Variants in SDK1 observed in about 807,000 individuals in gnomAD.
SDK1 encodes the protein sidekick cell adhesion molecule 1.
In SDK1, 157 loss-of-function variants were observed where a neutral mutation model predicts 245.5. That is an observed-to-expected ratio of 0.64 (90% CI 0.56 to 0.73). The LOEUF (loss-of-function observed/expected upper bound fraction) is 0.73. Among genes scored for constraint, SDK1 ranks in the 30% least tolerant of loss-of-function variants. SDK1 has a pLI of 0.00. For missense variants in SDK1, 3,583 were observed against 3,002.3 expected (o/e 1.19, Z -4.52); for synonymous variants, 1,647 against 1,278.5 (o/e 1.29, Z -6.15).
chr7:4,214,240 T>C (rs1329432176), intron 38 of SDK1, among the ~76,000 whole-genome samples: 1 of 152,172 alleles, frequency 6.6e-6, no homozygotes, highest in Non-Finnish European at 1.5e-5. Flanking sequence ...TGAAAGTAAA[T>C]GTGAAGGTGA....
intron 2 of SDK1, among the ~76,000 whole-genome samples, chr7:3,628,299 C>A (rs1285320427): frequency 6.6e-6 from 1 of 152,110 alleles, no homozygotes; most frequent in Non-Finnish European, 1.5e-5. Context: ...AAGATAGAAT[C>A]TTGCTCTGTT....
intron 10 of SDK1, among the ~76,000 whole-genome samples, chr7:3,969,007 C>A (rs759052089): frequency 6.6e-6 from 1 of 152,194 alleles, no homozygotes; most frequent in Middle Eastern, 3.4e-3. Flanking sequence ...GGGGAAGTGC[C>A]AAACAGTTTT....
intron 4 of SDK1, among the ~76,000 whole-genome samples, chr7:3,777,935 G>T (rs935282426): frequency 7.2e-5 from 11 of 152,164 alleles, no homozygotes; most frequent in Non-Finnish European, 1.0e-4. Flanking sequence ...AAAAGCCACA[G>T]CTTCATGCTG....
At chr7:4,092,414 C>T (rs1781864888) in intron 22 of SDK1, among the ~76,000 whole-genome samples, 2 of 152,174 alleles carry the variant, frequency 1.3e-5, no homozygotes, top group Non-Finnish European at 2.9e-5. Flanking sequence ...CCAGAGGCAC[C>T]CATGAAGCCC....
chr7:4,138,421 G>A lies in SDK1; in HGVS notation c.4228+5998G>A, dbSNP rs557939965. On this transcript the variant is annotated intron_variant, in intron 28 of 44. Transcript: ENST00000404826. ...AAACTCATACTGAGTGTGGAAATCCGGGTTTGTTGAGTACTCATATGCGTA... is the reference window on the plus strand; with the variant it reads ...AAACTCATACTGAGTGTGGAAATCCAGGTTTGTTGAGTACTCATATGCGTA... Among the ~76,000 whole-genome samples, 5 of 152,248 alleles carry A rather than the reference G, an allele frequency of 3.3e-5. No homozygotes were observed. In the South Asian group the frequency reaches 1.0e-3, roughly 32 times the overall value.
rs1781154565 is a variant in SDK1, at chr7:3,470,610, T to C, written c.299-148470T>C. On this transcript the variant is annotated intron_variant, in intron 1 of 44. Coordinates refer to ENST00000404826, the MANE Select transcript of SDK1 (RefSeq NM_152744.4). ...GTACGCTGGAGACTTATTATGACTT[T>C]GGCAGTATGAAAGGACAGGAAACAA... Among the ~76,000 whole-genome samples the C allele has an allele frequency of 3.9e-5, 6 of 152,126 alleles. No homozygotes were observed. In the South Asian group the frequency reaches 1.2e-3, roughly 32 times the overall value.
chr7:3,638,131 G>A (rs1782527708), intron 2 of SDK1, among the ~76,000 whole-genome samples: 1 of 152,206 alleles, frequency 6.6e-6, no homozygotes, highest in African/African-American at 2.4e-5. Context: ...TGTGTGCATG[G>A]CACTGTGCTA....
chr7:3,453,819 C>G (rs1344130881), intron 1 of SDK1, among the ~76,000 whole-genome samples: 2 of 152,034 alleles, frequency 1.3e-5, no homozygotes, highest in African/African-American at 2.4e-5. Context: ...CTCCTGGACT[C>G]AAATGATCTC....
Position 4,268,806 on chromosome 7 carries a change from C to T in SDK1, c.*3422C>T. 2 of 1,263,658 alleles carry T rather than the reference C, an allele frequency of 1.6e-6. No homozygotes were observed. Among genetic ancestry groups the T allele is most frequent in the Middle Eastern group, 2.2e-4 (1 of 4,474 alleles). 78.3% of individuals were successfully genotyped at this position (1,263,658 alleles called of 1,614,324 possible). The stretch of plus-strand genomic sequence containing the variant: ...GTGGAAACTCATGAGCTGAGCCTGC[C>T]CGCTGGGACACGTCTCCTTCCCGCG... On this transcript the variant is annotated 3_prime_UTR_variant, in exon 45 of 45. Coordinates refer to ENST00000404826, the MANE Select transcript of SDK1 (RefSeq NM_152744.4).
At chr7:4,227,610 G>C (rs1785518060) in intron 40 of SDK1, among the ~76,000 whole-genome samples, 1 of 152,206 alleles carries the variant, frequency 6.6e-6, no homozygotes, top group South Asian at 2.1e-4. Context: ...GGTTGTGTGA[G>C]TGCGTGGAAC....
chr7:3,869,379 C>G (rs554979508), intron 5 of SDK1, among the ~76,000 whole-genome samples: 149 of 152,226 alleles, frequency 9.8e-4, no homozygotes, highest in African/African-American at 3.3e-3. Flanking sequence ...TGGTCTCAAA[C>G]TCCTGGCCTC....
intron 1 of SDK1, among the ~76,000 whole-genome samples, chr7:3,394,875 T>C (rs951605554): frequency 6.6e-6 from 1 of 152,106 alleles, no homozygotes; most frequent in African/African-American, 2.4e-5. Context: ...AGATGTGCTT[T>C]TTAAAAATTA....
intron 1 of SDK1, among the ~76,000 whole-genome samples, chr7:3,384,813 C>G (rs781110190): frequency 3.3e-5 from 5 of 152,184 alleles, no homozygotes; most frequent in Non-Finnish European, 7.3e-5. Context: ...TACATAGGTA[C>G]ACACATATAT....
Position 3,550,050 on chromosome 7 carries a change from AAATC to A in SDK1, c.299-69026_299-69023del, listed in dbSNP as rs1350972788. Among the ~76,000 whole-genome samples, 12 of 152,306 alleles carry A rather than the reference AAATC, an allele frequency of 7.9e-5. No individual in the cohort carries two copies. The East Asian group carries it at 2.1e-3, about 27-fold the overall frequency. ...AGTTATCAAAATAATGATATTTGTAAAATCAATGTGAATATGTGAAATTTGTAGC... is the reference window on the plus strand; with the variant it reads ...AGTTATCAAAATAATGATATTTGTAAAATGTGAATATGTGAAATTTGTAGC... On this transcript the variant is annotated intron_variant, in intron 1 of 44. Coordinates refer to ENST00000404826, the MANE Select transcript of SDK1 (RefSeq NM_152744.4).
At chr7:3,569,862 C>T (rs1399750994) in intron 1 of SDK1, among the ~76,000 whole-genome samples, 1 of 152,130 alleles carries the variant, frequency 6.6e-6, no homozygotes, top group Non-Finnish European at 1.5e-5. Flanking sequence ...GCAGTTGGTA[C>T]GTTGTTTATT....
chr7:3,845,088 GAGGTCGCGAGAGCC>G, intron 5 of SDK1, among the ~76,000 whole-genome samples: 1 of 152,318 alleles, frequency 6.6e-6, no homozygotes, highest in East Asian at 1.9e-4. Flanking sequence ...TCGGAGAGCG[GAGGTCGCGAGAGCC>G]AGGTTGGCGG....
chr7:3,329,070 A>C (rs993889121), intron 1 of SDK1, among the ~76,000 whole-genome samples: 3 of 152,182 alleles, frequency 2.0e-5, no homozygotes, highest in Non-Finnish European at 4.4e-5. Flanking sequence ...CTACTGCTAG[A>C]CATTATTTAA....
intron 4 of SDK1, among the ~76,000 whole-genome samples, chr7:3,715,589 A>G (rs1039333218): frequency 1.3e-5 from 2 of 152,226 alleles, no homozygotes; most frequent in Non-Finnish European, 2.9e-5. Flanking sequence ...GGAGACCAGG[A>G]CAGCTCTGAA....
intron 17 of SDK1, among the ~76,000 whole-genome samples, chr7:4,038,399 T>C (rs1788369147): frequency 6.6e-6 from 1 of 152,082 alleles, no homozygotes; most frequent in African/African-American, 2.4e-5. Context: ...TTTTGTACCT[T>C]AAATAGTGTT....
Sources: allele counts gnomAD v4.1 joint callset (sites outside exome capture counted in the v4.1 genomes callset), GRCh38; gene constraint gnomAD v4.1.1; transcripts MANE v1.5; gene names NCBI Gene and HGNC (gene_info 2026-07-23, HGNC 2026-07-21).